RBKS: variants seen among roughly 807,000 people sequenced by gnomAD.
RBKS encodes the protein ribokinase.
Under a neutral mutation model 33.9 loss-of-function variants are expected in RBKS, and 33 were observed. That is an observed-to-expected ratio of 0.97 (90% CI 0.74 to 1.30). The LOEUF is 1.30. RBKS is among the 50% of genes most tolerant of loss of function. The pLI, the probability that RBKS is intolerant of heterozygous loss-of-function variation, is 0.00. For missense variants in RBKS, 361 were observed against 392.6 expected (o/e 0.92, Z 0.68); for synonymous variants, 125 against 143.0 (o/e 0.87, Z 0.90).
At chr2:27,858,083 A>G (rs1414600267) in intron 2 of RBKS, among the ~76,000 whole-genome samples, 1 of 152,228 alleles carries the variant, frequency 6.6e-6, no homozygotes, top group East Asian at 1.9e-4. Context: ...CAAAAACAGT[A>G]TGCTAAGTGA....
At chr2:27,884,635 A>G (rs1664490555) in intron 1 of RBKS, among the ~76,000 whole-genome samples, 2 of 152,062 alleles carry the variant, frequency 1.3e-5, no homozygotes, top group Non-Finnish European at 1.5e-5. Flanking sequence ...CCACTATCCA[A>G]TTAAACCTTT....
chr2:27,827,454 T>C (rs898881557), intron 7 of RBKS, 113 bp downstream of exon 7: 20 of 882,234 alleles, frequency 2.3e-5, no homozygotes, highest in Non-Finnish European at 3.3e-5. Flanking sequence ...TCTTTTACCA[T>C]ATCACTTACT....
At position 27,810,581 on chromosome 2, in the gene RBKS, G is replaced by A. The variant is rs1230812897; in HGVS notation, c.795+16986C>T. On this transcript the variant is annotated intron_variant, in intron 7 of 7. Transcript: ENST00000302188. The surrounding 1 kb of genome is among the most constrained non-coding windows in gnomAD (Gnocchi z 4.4). ...GGAGTAGGTTTTAGCCTTTATGTGA[G>A]TCGGAGTAAAAAATATGCTGAAAAC... 6.6e-6 allele frequency among the ~76,000 whole-genome samples: 1 copy of A among 152,202 alleles called. No individual in the cohort carries two copies. The highest frequency in any genetic ancestry group is 1.5e-5 in the Non-Finnish European group (1 of 68,038).
At position 27,795,193 on chromosome 2, in the gene RBKS, T is replaced by A. The variant is rs1677643274; in HGVS notation, c.796-13405A>T. On this transcript the variant is annotated intron_variant, in intron 7 of 7. Coordinates refer to ENST00000302188, the MANE Select transcript of RBKS (RefSeq NM_022128.3). This position sits in a 1 kb window ranked among gnomAD's most constrained non-coding sequence, Gnocchi z 4.1. The stretch of plus-strand genomic sequence containing the variant: ...AAGTCCTGTGTGTTCAATTAATGCT[T>A]GCTGATGGACCGTCTCTCAGTTGCC... Among the ~76,000 whole-genome samples, 1 of 152,188 alleles carries A rather than the reference T, an allele frequency of 6.6e-6. No homozygotes were observed. Among genetic ancestry groups the A allele is most frequent in the South Asian group, 2.1e-4 (1 of 4,830 alleles).
chr2:27,887,009 T>A (rs1664546059), intron 1 of RBKS, among the ~76,000 whole-genome samples: 1 of 152,194 alleles, frequency 6.6e-6, no homozygotes, highest in African/African-American at 2.4e-5. Context: ...CCAAAGTATG[T>A]CCACATCCAA....
chr2:27,809,008 A>G (rs1410597649), intron 7 of RBKS, among the ~76,000 whole-genome samples: 2 of 152,260 alleles, frequency 1.3e-5, no homozygotes, highest in East Asian at 3.8e-4. Context: ...AATTTAAAAG[A>G]GAACATTTTC....
At chr2:27,821,099 T>C (rs1224032006) in intron 7 of RBKS, among the ~76,000 whole-genome samples, 1 of 150,134 alleles carries the variant, frequency 6.7e-6, no homozygotes, top group East Asian at 1.9e-4. Flanking sequence ...CTGGAAACAC[T>C]GTACAAATTT....
intron 1 of RBKS, chr2:27,861,484 CAT>C (rs1382660321): frequency 4.2e-6 from 2 of 471,086 alleles, no homozygotes; most frequent in Non-Finnish European, 8.8e-6. Flanking sequence ...AACTAGAAGT[CAT>C]ATATTCCTTC....
chr2:27,857,341 G>C (rs1196459397), intron 2 of RBKS, among the ~76,000 whole-genome samples: 1 of 152,142 alleles, frequency 6.6e-6, no homozygotes, highest in Non-Finnish European at 1.5e-5. Flanking sequence ...ATGCTATAAT[G>C]CTAGCGCCTT....
At chr2:27,886,650 G>C (rs1209543429) in intron 1 of RBKS, among the ~76,000 whole-genome samples, 2 of 152,078 alleles carry the variant, frequency 1.3e-5, no homozygotes, top group East Asian at 1.9e-4. Context: ...CAAGTAGGAG[G>C]ATCGCTTGAG....
At chr2:27,784,974 G>C (rs1047196455) in intron 7 of RBKS, among the ~76,000 whole-genome samples, 1 of 152,060 alleles carries the variant, frequency 6.6e-6, no homozygotes, top group Non-Finnish European at 1.5e-5. Context: ...CTGACTGGAG[G>C]GTTATTATGA....
At chr2:27,788,254 AAAAG>A (rs1211205650) in intron 7 of RBKS, among the ~76,000 whole-genome samples, 5 of 152,234 alleles carry the variant, frequency 3.3e-5, no homozygotes, top group South Asian at 2.1e-4. Context: ...CAGGGGAAAA[AAAAG>A]AAAGAAAAGG....
At chr2:27,815,734 T>C (rs1414886075) in intron 7 of RBKS, among the ~76,000 whole-genome samples, 1 of 152,180 alleles carries the variant, frequency 6.6e-6, no homozygotes. Context: ...CGTAGGAAGC[T>C]AAGAGGAAGC....
intron 7 of RBKS, among the ~76,000 whole-genome samples, chr2:27,791,480 CA>C (rs1452065382): frequency 6.6e-6 from 1 of 152,062 alleles, no homozygotes; most frequent in African/African-American, 2.4e-5. Context: ...CCCTCTCCCT[CA>C]GCACACTAAC....
intron 1 of RBKS, among the ~76,000 whole-genome samples, chr2:27,874,466 A>G (rs1488102009): frequency 6.6e-6 from 1 of 152,264 alleles, no homozygotes; most frequent in Non-Finnish European, 1.5e-5. Flanking sequence ...ACATCATTCA[A>G]GAACTGATAT....
At chr2:27,871,190 T>C (rs1664203851) in intron 1 of RBKS, among the ~76,000 whole-genome samples, 1 of 152,224 alleles carries the variant, frequency 6.6e-6, no homozygotes, top group African/African-American at 2.4e-5. Context: ...CCACTAACAA[T>C]GATACTCTCA....
chr2:27,809,910 A>G, intron 7 of RBKS: 1 of 1,300,594 alleles, frequency 7.7e-7, no homozygotes, highest in Non-Finnish European at 1.0e-6. Flanking sequence ...TTGTATTTAT[A>G]TTCATTTTTG....
intron 1 of RBKS, among the ~76,000 whole-genome samples, chr2:27,867,681 C>G (rs1214045390): frequency 6.6e-6 from 1 of 152,016 alleles, no homozygotes. Flanking sequence ...TTCCTTCCAG[C>G]TGAGCTCAGT....
At chr2:27,824,690 A>G (rs1346585347) in intron 7 of RBKS, among the ~76,000 whole-genome samples, 2 of 152,246 alleles carry the variant, frequency 1.3e-5, no homozygotes, top group Admixed American at 6.5e-5. Flanking sequence ...ACATTCACAT[A>G]CAAGTTTTTG....
Sources: allele counts gnomAD v4.1 joint callset (sites outside exome capture counted in the v4.1 genomes callset), GRCh38; gene constraint gnomAD v4.1.1; non-coding constraint Gnocchi (gnomAD v3.1); transcripts MANE v1.5; gene names NCBI Gene and HGNC (gene_info 2026-07-23, HGNC 2026-07-21).